Variants in TRHDE observed in about 807,000 individuals in gnomAD.
The protein encoded by TRHDE is thyrotropin-releasing hormone-degrading ectoenzyme.
In TRHDE, 72 loss-of-function variants were observed where a neutral mutation model predicts 125.7. That is an observed-to-expected ratio of 0.57 (90% CI 0.47 to 0.70). The LOEUF (loss-of-function observed/expected upper bound fraction) is 0.70. Among genes scored for constraint, TRHDE ranks in the 30% least tolerant of loss-of-function variants. The probability of loss-of-function intolerance (pLI) is 0.00; values close to 1 mark genes in which losing one functional copy is unlikely to be tolerated. For synonymous variants in TRHDE, 509 were observed against 509.1 expected (o/e 1.00, Z 0.00); for missense variants, 1,110 against 1,327.1 (o/e 0.84, Z 2.54).
At chr12:72,230,713 C>G (rs1467507253) in intron 2 of TRHDE, among the ~76,000 whole-genome samples, 1 of 152,092 alleles carries the variant, frequency 6.6e-6, no homozygotes, top group Middle Eastern at 3.2e-3. Context: ...CACAGAAAGA[C>G]CCATCGACCT....
chr12:72,140,812 G>A (rs1592455701), intron 2 of TRHDE, among the ~76,000 whole-genome samples: 1 of 152,162 alleles, frequency 6.6e-6, no homozygotes, highest in East Asian at 1.9e-4. Context: ...TTTCAACTGA[G>A]TTTTGGCAGA....
chr12:72,419,402 G>T (rs1228767303), intron 3 of TRHDE, among the ~76,000 whole-genome samples: 1 of 152,112 alleles, frequency 6.6e-6, no homozygotes, highest in Non-Finnish European at 1.5e-5. Context: ...TTGGCTCATG[G>T]TTCTGCAAGC....
intron 1 of TRHDE, among the ~76,000 whole-genome samples, chr12:72,278,153 T>C (rs944831177): frequency 2.6e-5 from 4 of 152,140 alleles, no homozygotes; most frequent in African/African-American, 9.7e-5. Flanking sequence ...TTCAGTGAGG[T>C]CAACTTTTTT....
intron 2 of TRHDE, among the ~76,000 whole-genome samples, chr12:72,345,161 C>T (rs796817592): frequency 3.3e-5 from 5 of 152,200 alleles, no homozygotes; most frequent in African/African-American, 1.2e-4. Flanking sequence ...AATGTTTTCT[C>T]ATTTTTTGTA....
chr12:72,389,057 G>T (rs931102172), intron 3 of TRHDE, among the ~76,000 whole-genome samples: 2 of 151,760 alleles, frequency 1.3e-5, no homozygotes, highest in African/African-American at 2.4e-5. Context: ...CTTTTAATAC[G>T]GGAGAGAGGC....
intron 2 of TRHDE, among the ~76,000 whole-genome samples, chr12:72,154,181 G>T (rs1387016782): frequency 6.6e-6 from 1 of 152,056 alleles, no homozygotes; most frequent in African/African-American, 2.4e-5. Flanking sequence ...GATCTTTGTT[G>T]GTTTAAAGTC....
At chr12:72,400,756 A>T (rs183212268) in intron 3 of TRHDE, among the ~76,000 whole-genome samples, 17 of 152,248 alleles carry the variant, frequency 1.1e-4, no homozygotes, top group African/African-American at 3.6e-4. Context: ...CTTAAGAAAA[A>T]GTTTGTCTTA....
chr12:72,118,951 C>A (rs1875512475), intron 2 of TRHDE, among the ~76,000 whole-genome samples: 1 of 151,840 alleles, frequency 6.6e-6, no homozygotes, highest in Admixed American at 6.6e-5. Context: ...CTTAGTCTGG[C>A]TAAAGGTTTG....
At chr12:72,482,278 A>T (rs111713934) in intron 5 of TRHDE, among the ~76,000 whole-genome samples, 4,661 of 151,774 alleles carry the variant, frequency 0.031, 99 homozygotes, top group Non-Finnish European at 0.043. Context: ...CTCTTAGCTG[A>T]CCGATATACT....
chr12:72,374,325 GT>G (rs1871774200), intron 2 of TRHDE, among the ~76,000 whole-genome samples: 1 of 151,162 alleles, frequency 6.6e-6, no homozygotes, highest in Non-Finnish European at 1.5e-5. Flanking sequence ...GTGTGTGTGT[GT>G]GTGTGTGATA....
chr12:72,388,279 C>A (rs2135788045), intron 3 of TRHDE, among the ~76,000 whole-genome samples: 1 of 152,286 alleles, frequency 6.6e-6, no homozygotes, highest in South Asian at 2.1e-4. Flanking sequence ...AAATCTCTTC[C>A]CTGATTTACT....
At chr12:72,458,480 C>T (rs1226308208) in intron 3 of TRHDE, among the ~76,000 whole-genome samples, 6 of 152,112 alleles carry the variant, frequency 3.9e-5, no homozygotes, top group Admixed American at 1.3e-4. Context: ...GCTCCTCAGA[C>T]GTCTGTCTTA....
intron 2 of TRHDE, among the ~76,000 whole-genome samples, chr12:72,165,150 G>T (rs1876716936): frequency 6.6e-6 from 1 of 152,148 alleles, no homozygotes; most frequent in Non-Finnish European, 1.5e-5. Context: ...GCACGTGGAT[G>T]AGCCTCTTGA....
chr12:72,107,969 G>A (rs567778965), intron 2 of TRHDE, among the ~76,000 whole-genome samples: 1 of 152,158 alleles, frequency 6.6e-6, no homozygotes, highest in South Asian at 2.1e-4. Context: ...GTGACCTTTT[G>A]TTTTGCCTGC....
intron 10 of TRHDE, among the ~76,000 whole-genome samples, chr12:72,570,436 C>T (rs552752061): frequency 6.6e-6 from 1 of 152,016 alleles, no homozygotes; most frequent in South Asian, 2.1e-4. Flanking sequence ...CAGAAATTAG[C>T]TGGGCATGGT....
In TRHDE at chr12:72,666,887, CTG is replaced by C. The variant is rs1208442971; in HGVS notation, c.*3694_*3695del. 4.6e-5 allele frequency: 7 copies of C among 151,754 alleles called. No homozygotes were observed. Among genetic ancestry groups the C allele is most frequent in the Non-Finnish European group, 8.9e-5 (6 of 67,778 alleles). 9.4% of individuals were successfully genotyped at this position (151,754 alleles called of 1,614,324 possible). On this transcript the variant is annotated 3_prime_UTR_variant, in exon 19 of 19. Coordinates refer to ENST00000261180, the MANE Select transcript of TRHDE (RefSeq NM_013381.3). ...TTAGTTTATTAATTATATTTCCTGT[CTG>C]TATCTTTTATTGAACATTGTTTAAA... is the stretch of plus-strand genomic sequence containing the variant.
intron 1 of TRHDE, among the ~76,000 whole-genome samples, chr12:72,100,765 C>T (rs1459992973): frequency 1.3e-5 from 2 of 152,150 alleles, no homozygotes; most frequent in African/African-American, 4.8e-5. Flanking sequence ...GTCATTCTAC[C>T]AAAGTGAAAG....
chr12:72,282,448 TG>T (rs1195862952), intron 1 of TRHDE, among the ~76,000 whole-genome samples: 1 of 152,202 alleles, frequency 6.6e-6, no homozygotes, highest in African/African-American at 2.4e-5. Context: ...TTCCACTAAT[TG>T]AAGGCAACCA....
chr12:72,210,811 A>G lies in TRHDE; in HGVS notation n.279+105059A>G, dbSNP rs144818170. On this transcript the variant is annotated intron_variant and non_coding_transcript_variant, in intron 2 of 4. Coordinates refer to the TRHDE transcript ENST00000548156. ...GGTAGAGATAATCTTAATGGTTGAG[A>G]GTTGACACCAACTTCTTTTCTTTTT... Among the ~76,000 whole-genome samples the G allele has an allele frequency of 7.4e-4, 113 of 152,362 alleles. 1 individual carries two copies. The East Asian group carries it at 0.016, about 22-fold the overall frequency.
Sources: gnomAD v4.1 joint callset for allele counts (sites outside exome capture counted in the v4.1 genomes callset) on GRCh38, gnomAD v4.1.1 for gene constraint, MANE v1.5 for transcripts, NCBI Gene and HGNC (gene_info 2026-07-23, HGNC 2026-07-21) for gene names.